Variants in TNRC6A observed in about 807,000 individuals in gnomAD.
TNRC6A encodes trinucleotide repeat-containing gene 6A protein.
In TNRC6A, 44 loss-of-function variants were observed where a neutral mutation model predicts 221.2. The ratio of observed to expected loss-of-function variants is 0.20; its 90% CI spans 0.16 to 0.26. TNRC6A has a LOEUF of 0.26. TNRC6A is among the 10% of genes least tolerant of loss of function. The probability of loss-of-function intolerance (pLI) is 1.00; values close to 1 mark genes in which losing one functional copy is unlikely to be tolerated. For synonymous variants in TNRC6A, 847 were observed against 838.5 expected (o/e 1.01, Z -0.18); for missense variants, 2,199 against 2,404.4 (o/e 0.91, Z 1.79).
chr16:24,625,747 A>C (rs935934827), intron 1 of TNRC6A, among the ~76,000 whole-genome samples: 5 of 144,734 alleles, frequency 3.5e-5, no homozygotes, highest in Admixed American at 1.4e-4. Context: ...CAAAAAAAAA[A>C]AAAAAAAAAA....
intron 2 of TNRC6A, among the ~76,000 whole-genome samples, chr16:24,655,671 A>C (rs746617533): frequency 6.6e-5 from 10 of 151,996 alleles, no homozygotes; most frequent in East Asian, 5.8e-4. Flanking sequence ...CCTGGGCGAC[A>C]AGAGTGAAAT....
At chr16:24,800,289 C>T (rs755946554) in intron 11 of TNRC6A, among the ~76,000 whole-genome samples, 2 of 152,146 alleles carry the variant, frequency 1.3e-5, no homozygotes, top group African/African-American at 2.4e-5. Flanking sequence ...AGACACATAC[C>T]GCATCCTCCT....
rs746766206 is a variant in TNRC6A at position 24,789,319 on chromosome 16, A to G, written c.677A>G (p.Lys226Arg). The change falls in exon 6 of 25, where the codon AAG (lysine) becomes AGG (arginine). Residue 226 changes from lysine (K) to arginine (R), a missense_variant. Around this residue, in one of 8 missense-constraint regions of TNRC6A, gnomAD observed 1,405 missense variants for 1,400.2 expected, o/e 1.00. Coordinates refer to ENST00000395799, the MANE Select transcript of TNRC6A (RefSeq NM_014494.4). ...SSTSDSSTNC[K>R]NAVVSDLSEK... is the part of the protein sequence containing the mutation. ...ACAAGTGATTCTAGCACAAACTGTA[A>G]GAATGCTGTTGTAAGTGACTTGTCG... 1.4e-5 allele frequency: 22 copies of G among 1,614,122 alleles called. No individual in the cohort carries two copies. The highest frequency in any genetic ancestry group is 1.7e-5 in the Non-Finnish European group (20 of 1,180,048).
rs752352664 is a variant in TNRC6A, at chr16:24,806,803, C to G, written c.4540+19C>G. 4.3e-6 allele frequency: 7 copies of G among 1,611,940 alleles called. No individual in the cohort carries two copies. The highest frequency in any genetic ancestry group is 5.9e-6 in the Non-Finnish European group (7 of 1,178,208). On this transcript the variant is annotated intron_variant, in intron 17 of 24. Coordinates refer to ENST00000395799, the MANE Select transcript of TNRC6A (RefSeq NM_014494.4). ...CCTATAGGTGGGTTTCTCCTTGGCC[C>G]AAGTATTGGACTGATGCTTAGGTAT...
Position 24,729,809 on chromosome 16 carries a change from G to A in TNRC6A, c.-33G>A, listed in dbSNP as rs1411293792. 2 of 1,408,062 alleles carry A rather than the reference G, an allele frequency of 1.4e-6. No homozygotes were observed. The highest frequency in any genetic ancestry group is 1.9e-6 in the Non-Finnish European group (2 of 1,073,734). The allele number at this position is 1,408,062 out of a possible 1,614,324, so 87.2% of individuals were successfully genotyped here. ...GGCTTGAGGCTCGCGAGCCTCCTTC[G>A]CCGCGCCCCACTTGCTCGTGCACTT... is the stretch of plus-strand genomic sequence containing the variant. On this transcript the variant is annotated 5_prime_UTR_variant, in exon 1 of 25. Coordinates refer to ENST00000395799, the MANE Select transcript of TNRC6A (RefSeq NM_014494.4).
intron 2 of TNRC6A, among the ~76,000 whole-genome samples, chr16:24,694,205 G>A (rs1665576981): frequency 6.6e-6 from 1 of 152,086 alleles, no homozygotes; most frequent in Non-Finnish European, 1.5e-5. Flanking sequence ...GCTTAAGAGG[G>A]AAAGGACCTC....
chr16:24,806,531 GT>G (rs761078103), intron 16 of TNRC6A, 42 bp from the exon 17 acceptor site: 1 of 1,606,404 alleles, frequency 6.2e-7, no homozygotes, highest in Non-Finnish European at 8.5e-7. Flanking sequence ...CTGTAAAGAC[GT>G]TTTCCCCCAG....
At chr16:24,625,552 C>T (rs1900920176) in intron 1 of TNRC6A, among the ~76,000 whole-genome samples, 1 of 151,886 alleles carries the variant, frequency 6.6e-6, no homozygotes, top group South Asian at 2.1e-4. Context: ...GGTGAAACCC[C>T]GTCTCTACTA....
intron 4 of TNRC6A, among the ~76,000 whole-genome samples, chr16:24,776,111 G>A (rs1158402336): frequency 6.6e-6 from 1 of 152,062 alleles, no homozygotes; most frequent in East Asian, 1.9e-4. Context: ...AGGCAGGGCT[G>A]GGGTTGAAAC....
intron 2 of TNRC6A, among the ~76,000 whole-genome samples, chr16:24,697,052 T>C (rs566111567): frequency 1.8e-4 from 28 of 152,312 alleles, no homozygotes; most frequent in African/African-American, 6.7e-4. Flanking sequence ...CGTAGCTTAT[T>C]GCATATTTTC....
At chr16:24,811,651 G>C (rs1451028650) in intron 18 of TNRC6A, among the ~76,000 whole-genome samples, 1 of 151,868 alleles carries the variant, frequency 6.6e-6, no homozygotes, top group Admixed American at 6.6e-5. Context: ...GAGATGACAT[G>C]ATCAGATTTG....
intron 1 of TNRC6A, among the ~76,000 whole-genome samples, chr16:24,631,876 T>C (rs80340685): frequency 1.3e-5 from 2 of 151,888 alleles, no homozygotes; most frequent in African/African-American, 4.8e-5. Context: ...GTTTTTTTTT[T>C]GGAACAGGGT....
chr16:24,734,468 A>T (rs767628421), intron 2 of TNRC6A, among the ~76,000 whole-genome samples: 2 of 152,176 alleles, frequency 1.3e-5, no homozygotes, highest in Admixed American at 6.5e-5. Flanking sequence ...AATATTTTGG[A>T]GGCCAGAATC....
chr16:24,634,435 A>C (rs1444613742), intron 1 of TNRC6A, among the ~76,000 whole-genome samples: 1 of 152,090 alleles, frequency 6.6e-6, no homozygotes, highest in Admixed American at 6.6e-5. Flanking sequence ...GTCTCAGATA[A>C]ATAAATAAAT....
intron 2 of TNRC6A, among the ~76,000 whole-genome samples, chr16:24,721,784 G>T (rs1392023596): frequency 6.6e-6 from 1 of 152,136 alleles, no homozygotes; most frequent in Admixed American, 6.5e-5. Context: ...ACAAACTGTG[G>T]TATATCCATT....
chr16:24,679,198 A>T (rs1344850940), intron 2 of TNRC6A, among the ~76,000 whole-genome samples: 1 of 151,940 alleles, frequency 6.6e-6, no homozygotes, highest in East Asian at 1.9e-4. Flanking sequence ...GGGTTTCTCC[A>T]TGTTAGTCAG....
At chr16:24,809,011 C>A (rs1398811967) in intron 17 of TNRC6A, among the ~76,000 whole-genome samples, 1 of 152,098 alleles carries the variant, frequency 6.6e-6, no homozygotes, top group Non-Finnish European at 1.5e-5. Context: ...GACATTTTTA[C>A]TTTAGAATTT....
chr16:24,692,913 C>A (rs2055784539), intron 2 of TNRC6A, among the ~76,000 whole-genome samples: 1 of 152,106 alleles, frequency 6.6e-6, no homozygotes, highest in African/African-American at 2.4e-5. Context: ...CTAGACACTG[C>A]ACTAAACTAC....
chr16:24,679,014 TG>T (rs1195982341), intron 2 of TNRC6A, among the ~76,000 whole-genome samples: 6 of 103,528 alleles, frequency 5.8e-5, no homozygotes, highest in African/African-American at 2.4e-4. Flanking sequence ...TTTTTTTTTT[TG>T]GATATAGAGT....
Sources: allele counts gnomAD v4.1 joint callset (sites outside exome capture counted in the v4.1 genomes callset), GRCh38; gene constraint gnomAD v4.1.1; regional missense constraint gnomAD v4.1.1; transcripts MANE v1.5; gene names NCBI Gene and HGNC (gene_info 2026-07-23, HGNC 2026-07-21).